PTPRG: variants seen among roughly 807,000 people sequenced by gnomAD.
PTPRG encodes receptor-type tyrosine-protein phosphatase gamma.
PTPRG carries 102 observed loss-of-function variants against 165.3 expected under a neutral mutation model. The ratio of observed to expected loss-of-function variants is 0.62; its 90% confidence interval spans 0.53 to 0.73. The LOEUF (loss-of-function observed/expected upper bound fraction) is 0.73, where lower values mean the gene tolerates loss of function less well. PTPRG is among the 30% of genes least tolerant of loss of function. PTPRG has a pLI of 0.00. For missense variants in PTPRG, 1,866 were observed against 1,861.4 expected, an observed-to-expected ratio of 1.00 and a Z score of -0.05; for synonymous variants, 675 against 669.5, an observed-to-expected ratio of 1.01 and a Z score of -0.13.
chr3:62,179,411 A>AGGCGCTGCCTGTATGTCTGAGAC (rs1384897262), intron 8 of PTPRG, among the ~76,000 whole-genome samples: 1 of 152,232 alleles, frequency 6.6e-6, no homozygotes, highest in African/African-American at 2.4e-5. Flanking sequence ...TGTGCTGAGA[A>AGGCGCTGCCTGTATGTCTGAGAC]GGCGCTGCCT....
chr3:61,865,053 CTTGGCTGTGT>C (rs552382920), intron 2 of PTPRG, among the ~76,000 whole-genome samples: 116 of 152,284 alleles, frequency 7.6e-4, no homozygotes, highest in Non-Finnish European at 1.5e-3. Flanking sequence ...TGTTCAAGCA[CTTGGCTGTGT>C]TTGGGTTTCT....
At chr3:62,211,595 T>C (rs1700359911) in intron 12 of PTPRG, among the ~76,000 whole-genome samples, 1 of 152,142 alleles carries the variant, frequency 6.6e-6, no homozygotes, top group Non-Finnish European at 1.5e-5. Flanking sequence ...AGAACAAATA[T>C]GTTGAAATTC....
rs1700344483 is a variant in PTPRG at position 62,210,938 on chromosome 3, T to TA, written c.2155+6989dup. Among the ~76,000 whole-genome samples the TA allele has an allele frequency of 6.6e-6, 1 of 152,204 alleles. No individual in the cohort carries two copies. The highest frequency in any genetic ancestry group is 2.1e-4 in the South Asian group (1 of 4,828). Reference sequence around the variant, plus strand: ...GGAAAGCTTTTGGAGACTCAAAAGTTATACATGAATTTCTGACTATTCAGG... The same window carrying TA: ...GGAAAGCTTTTGGAGACTCAAAAGTTAATACATGAATTTCTGACTATTCAGG... On this transcript the variant is annotated intron_variant, in intron 12 of 29. Transcript: ENST00000474889. The surrounding 1 kb of genome is among the most constrained non-coding windows in gnomAD (Gnocchi z 4.1).
At chr3:62,149,973 C>A (rs1704268031) in intron 6 of PTPRG, among the ~76,000 whole-genome samples, 1 of 152,216 alleles carries the variant, frequency 6.6e-6, no homozygotes, top group South Asian at 2.1e-4. Flanking sequence ...TCCCTCTGCA[C>A]TGGCTTTTCT....
At position 61,911,329 on chromosome 3, in the gene PTPRG, C is replaced by A. The variant is rs148677688; in HGVS notation, c.191-78296C>A. On this transcript the variant is annotated intron_variant, in intron 2 of 29. Coordinates refer to ENST00000474889, the MANE Select transcript of PTPRG (RefSeq NM_002841.4). ...GGCCAGGCACCAGAGACATAGAAGT[C>A]CAATTAATATTTGTTGAGAGTGGGA... 2.0e-3 allele frequency among the ~76,000 whole-genome samples: 298 copies of A among 152,254 alleles called. 1 individual carries two copies. The highest frequency in any genetic ancestry group is 6.9e-3 in the East Asian group (36 of 5,180).
intron 2 of PTPRG, among the ~76,000 whole-genome samples, chr3:61,922,698 TG>T (rs2107564750): frequency 6.6e-6 from 1 of 152,334 alleles, no homozygotes; most frequent in South Asian, 2.1e-4. Context: ...CGGAGTACAT[TG>T]GTGTGATCAT....
At chr3:61,573,721 T>C (rs998341942) in intron 1 of PTPRG, among the ~76,000 whole-genome samples, 2 of 152,230 alleles carry the variant, frequency 1.3e-5, no homozygotes, top group Non-Finnish European at 2.9e-5. Context: ...GAGTAGATAA[T>C]GCTCTTCAAA....
rs1368083695 is a variant in PTPRG at position 62,017,592 on chromosome 3, T to G, written c.519+14095T>G. 5.4e-4 allele frequency among the ~76,000 whole-genome samples: 6 copies of G among 11,032 alleles called. No individual in the cohort carries two copies. In the East Asian group the frequency reaches 0.33, roughly 613 times the overall value. The allele number at this position is 11,032 out of a possible 152,430, so 7.2% of individuals were successfully genotyped here. A position where few individuals can be genotyped will look rare whatever the true frequency, so the allele number is the denominator to read the frequency against. ...CACCGCGCCCGGCTAATTTTTTGTA[T>G]TTTTTTTTTTTTTAGTAGAGACGGG... On this transcript the variant is annotated intron_variant, in intron 4 of 29. Transcript: ENST00000474889.
At chr3:61,744,164 T>C (rs140303564) in intron 1 of PTPRG, among the ~76,000 whole-genome samples, 1 of 152,202 alleles carries the variant, frequency 6.6e-6, no homozygotes, top group African/African-American at 2.4e-5. Context: ...TTAAGTTGCT[T>C]AATATACTCT....
rs902160592 is a variant in PTPRG, at chr3:61,861,325, G to A, written c.190+112343G>A. On this transcript the variant is annotated intron_variant, in intron 2 of 29. Transcript: ENST00000474889. The stretch of plus-strand genomic sequence containing the variant: ...AGTGGGGAAAAAAAAAATTGGCACA[G>A]TCACTGCTTCTCAAAGCTTTTGTCA... Among the ~76,000 whole-genome samples, 13 of 152,234 alleles carry A rather than the reference G, an allele frequency of 8.5e-5. No homozygotes were observed. In the East Asian group the frequency reaches 2.5e-3, roughly 29 times the overall value.
chr3:62,254,596 G>A lies in PTPRG; in HGVS notation c.2468-528G>A, dbSNP rs1701494705. The stretch of plus-strand genomic sequence containing the variant: ...AATTTTGAACACTTAAAGATAGATG[G>A]CATTGTACCCAGAGCCAGCTGGTAC... On this transcript the variant is annotated intron_variant, in intron 15 of 29. Transcript: ENST00000474889. The surrounding 1 kb of genome is among the most constrained non-coding windows in gnomAD (Gnocchi z 4.6). Among the ~76,000 whole-genome samples the A allele has an allele frequency of 6.6e-6, 1 of 152,056 alleles. No individual in the cohort carries two copies. The highest frequency in any genetic ancestry group is 6.6e-5 in the Admixed American group (1 of 15,256).
intron 2 of PTPRG, among the ~76,000 whole-genome samples, chr3:61,907,928 C>CTAG (rs2107533620): frequency 1.0e-5 from 1 of 99,808 alleles, no homozygotes; most frequent in East Asian, 3.8e-4. Context: ...GAGTTTGATG[C>CTAG]CAGCAACATA....
intron 1 of PTPRG, among the ~76,000 whole-genome samples, chr3:61,645,308 C>T (rs1447641391): frequency 1.3e-5 from 2 of 152,222 alleles, no homozygotes; most frequent in South Asian, 2.1e-4. Context: ...CTTTTCTATG[C>T]TGTGTGTTTG....
At chr3:61,830,238 T>G (rs2036236020) in intron 2 of PTPRG, among the ~76,000 whole-genome samples, 2 of 152,208 alleles carry the variant, frequency 1.3e-5, no homozygotes, top group African/African-American at 4.8e-5. Flanking sequence ...AATTGCCGTA[T>G]TTTTGGAAAC....
intron 1 of PTPRG, among the ~76,000 whole-genome samples, chr3:61,703,024 T>C (rs1352676209): frequency 2.0e-5 from 3 of 152,200 alleles, no homozygotes; most frequent in Admixed American, 6.5e-5. Context: ...ATTCATACGG[T>C]GGGTGCAGAA....
chr3:61,686,015 G>C (rs1383442420), intron 1 of PTPRG, among the ~76,000 whole-genome samples: 3 of 152,152 alleles, frequency 2.0e-5, no homozygotes, highest in Non-Finnish European at 4.4e-5. Context: ...CTGAACATTT[G>C]CAAAGCATCT....
chr3:62,038,160 T>C (rs193001843), intron 4 of PTPRG, among the ~76,000 whole-genome samples: 1 of 152,316 alleles, frequency 6.6e-6, no homozygotes, highest in East Asian at 1.9e-4. Flanking sequence ...TAGTTTGGTC[T>C]AGGGTTTTGG....
chr3:61,977,525 G>C (rs1367363550), intron 2 of PTPRG, among the ~76,000 whole-genome samples: 1 of 151,946 alleles, frequency 6.6e-6, no homozygotes, highest in African/African-American at 2.4e-5. Flanking sequence ...TACCGTTACT[G>C]GTTTTGATTT....
At chr3:61,736,307 A>G (rs932928127) in intron 1 of PTPRG, among the ~76,000 whole-genome samples, 1 of 151,888 alleles carries the variant, frequency 6.6e-6, no homozygotes, top group Non-Finnish European at 1.5e-5. Flanking sequence ...TACAGGCAGG[A>G]AGTTTTTTTT....
Sources: gnomAD v4.1 joint callset for allele counts (sites outside exome capture counted in the v4.1 genomes callset) on GRCh38, gnomAD v4.1.1 for gene constraint, Gnocchi (gnomAD v3.1) non-coding constraint, MANE v1.5 for transcripts, NCBI Gene and HGNC (gene_info 2026-07-23, HGNC 2026-07-21) for gene names.